The following KIDINS220 variants were observed in gnomAD, a reference collection of about 807,000 sequenced individuals.
KIDINS220 encodes the protein kinase D interacting substrate 220.
A neutral mutation model predicts 157.6 loss-of-function variants in KIDINS220; 63 were observed. The ratio of observed to expected loss-of-function variants is 0.40; its 90% confidence interval spans 0.33 to 0.49. The LOEUF (loss-of-function observed/expected upper bound fraction) is 0.49. KIDINS220 is among the 20% of genes least tolerant of loss of function. The pLI is 0.66. For missense variants in KIDINS220, 1,772 were observed against 2,171.2 expected, an observed-to-expected ratio of 0.82 and a Z score of 3.65; for synonymous variants, 732 against 783.6, an observed-to-expected ratio of 0.93 and a Z score of 1.10.
intron 8 of KIDINS220, among the ~76,000 whole-genome samples, chr2:8,801,396 A>G (rs188342300): frequency 4.6e-5 from 7 of 152,276 alleles, no homozygotes; most frequent in African/African-American, 1.7e-4. Flanking sequence ...AATAAACCAA[A>G]GGCAGACAAA....
At chr2:8,816,784 A>C (rs899358429) in intron 4 of KIDINS220, among the ~76,000 whole-genome samples, 6 of 152,184 alleles carry the variant, frequency 3.9e-5, no homozygotes, top group African/African-American at 1.2e-4. Context: ...CTTTTTGGAA[A>C]TATGTAAGAT....
intron 7 of KIDINS220, among the ~76,000 whole-genome samples, chr2:8,804,565 T>A (rs959030239): frequency 3.9e-5 from 6 of 152,190 alleles, no homozygotes; most frequent in African/African-American, 1.4e-4. Context: ...TTCTGATTTT[T>A]AAAAATCTGT....
chr2:8,768,207 TTA>T (rs1382850935), intron 22 of KIDINS220, among the ~76,000 whole-genome samples: 3 of 152,130 alleles, frequency 2.0e-5, no homozygotes, highest in Non-Finnish European at 4.4e-5. Flanking sequence ...CAAAAAATTT[TTA>T]GTTTTTATTT....
At chr2:8,803,337 T>C (rs1364596697) in intron 7 of KIDINS220, among the ~76,000 whole-genome samples, 3 of 152,220 alleles carry the variant, frequency 2.0e-5, no homozygotes, top group Non-Finnish European at 4.4e-5. Context: ...GAAAATACAT[T>C]AATGATCTTC....
intron 26 of KIDINS220, 131 bp from the exon 27 acceptor site, chr2:8,737,130 T>C: frequency 1.1e-6 from 1 of 887,862 alleles, no homozygotes; most frequent in South Asian, 1.8e-5. Context: ...ATGTTTAGCA[T>C]GGTAAGGAAA....
chr2:8,803,226 T>C, intron 7 of KIDINS220, 99 bp from the exon 8 acceptor site: 1 of 1,019,740 alleles, frequency 9.8e-7, no homozygotes, highest in Admixed American at 3.0e-5. Context: ...AAAACTAATG[T>C]TTTCAAATAG....
Position 8,818,685 on chromosome 2 carries a change from T to C in KIDINS220, c.207+10A>G, listed in dbSNP as rs758740926. The C allele has an allele frequency of 8.3e-6, 12 of 1,450,898 alleles. No homozygotes were observed. The highest frequency in any genetic ancestry group is 1.4e-5 in the African/African-American group (1 of 70,900). The allele number at this position is 1,450,898 out of a possible 1,614,324, so 89.9% of individuals were successfully genotyped here. On this transcript the variant is annotated intron_variant, in intron 3 of 29. Transcript: ENST00000256707. ...TGAGTAAATGATGAGTAAATTATTTTAATATATACCAAATCTTCCAGATTG... is the reference window on the plus strand; with the variant it reads ...TGAGTAAATGATGAGTAAATTATTTCAATATATACCAAATCTTCCAGATTG...
chr2:8,820,056 A>G (rs1677700936), intron 2 of KIDINS220, among the ~76,000 whole-genome samples: 1 of 152,084 alleles, frequency 6.6e-6, no homozygotes, highest in South Asian at 2.1e-4. Context: ...AAACCCTTCA[A>G]TGTTTTCCCA....
intron 2 of KIDINS220, among the ~76,000 whole-genome samples, chr2:8,821,818 A>G (rs1307853392): frequency 1.3e-5 from 2 of 152,230 alleles, no homozygotes; most frequent in East Asian, 1.9e-4. Flanking sequence ...CTGAAAATAA[A>G]GCCTATCTTT....
chr2:8,757,510 C>T (rs1668159580), intron 22 of KIDINS220: 3 of 1,426,884 alleles, frequency 2.1e-6, no homozygotes, highest in Non-Finnish European at 2.7e-6. Context: ...AGTGACTGTA[C>T]TGTTGTTTGC....
In KIDINS220 at chr2:8,750,504, C is replaced by A. The variant is rs369408646; in HGVS notation, c.3191-169G>T. The stretch of plus-strand genomic sequence containing the variant: ...ACAGAAAATCTTGAAAACTCACAGG[C>A]CTTTTAGTGAGAAATGCCCAGCTAC... On this transcript the variant is annotated intron_variant, in intron 23 of 29. Transcript: ENST00000256707. Among the ~76,000 whole-genome samples the A allele has an allele frequency of 1.5e-3, 233 of 152,206 alleles. 3 individuals carry two copies. The highest frequency in any genetic ancestry group is 5.5e-3 in the African/African-American group (229 of 41,520).
chr2:8,758,911 G>A (rs192156419), intron 22 of KIDINS220, among the ~76,000 whole-genome samples: 16 of 152,318 alleles, frequency 1.1e-4, no homozygotes, highest in Non-Finnish European at 1.9e-4. Flanking sequence ...TCCACATGCA[G>A]AAGACTGCAT....
chr2:8,776,321 C>T (rs1378801965), intron 21 of KIDINS220, among the ~76,000 whole-genome samples: 1 of 151,928 alleles, frequency 6.6e-6, no homozygotes, highest in Admixed American at 6.6e-5. Context: ...GGCAGAATTC[C>T]ATGCAGGGAC....
intron 22 of KIDINS220, among the ~76,000 whole-genome samples, chr2:8,763,655 C>A (rs1272879089): frequency 2.6e-5 from 4 of 152,170 alleles, no homozygotes; most frequent in Non-Finnish European, 5.9e-5. Flanking sequence ...TTTAGCACAA[C>A]AGAACTGGAG....
intron 27 of KIDINS220, 60 bp from the exon 28 acceptor site, chr2:8,734,813 C>T (rs1247965577): frequency 1.7e-6 from 2 of 1,197,084 alleles, no homozygotes; most frequent in African/African-American, 1.5e-5. Flanking sequence ...TTCTGAATTA[C>T]TAGTGATTGC....
chr2:8,822,347 C>T (rs73916012), intron 2 of KIDINS220, among the ~76,000 whole-genome samples: 5,200 of 152,198 alleles, frequency 0.034, 174 homozygotes, highest in African/African-American at 0.084. Context: ...ACAGGCCAGG[C>T]GCAGTGACTC....
Position 8,791,042 on chromosome 2 carries a change from T to C in KIDINS220, c.1441+18A>G. 4 of 1,603,504 alleles carry C rather than the reference T, an allele frequency of 2.5e-6. No homozygotes were observed. The highest frequency in any genetic ancestry group is 2.6e-6 in the Non-Finnish European group (3 of 1,175,782). ...CCTTGCTTTATATATACAGACTTTG[T>C]ACAAGCAAGCCCTTTACCTTCTAGT... On this transcript the variant is annotated intron_variant, in intron 13 of 29. Transcript: ENST00000256707.
intron 7 of KIDINS220, among the ~76,000 whole-genome samples, chr2:8,805,074 A>C (rs188872755): frequency 1.1e-3 from 170 of 152,298 alleles, no homozygotes; most frequent in Non-Finnish European, 1.6e-3. Flanking sequence ...AGTTTCCATA[A>C]GGGATATTTT....
intron 27 of KIDINS220, 79 bp downstream of exon 27, chr2:8,736,789 A>C (rs572006917): frequency 6.8e-7 from 1 of 1,470,440 alleles, no homozygotes; most frequent in African/African-American, 1.4e-5. Flanking sequence ...GAAGCTATAC[A>C]TAAAGTTTAC....
Sources: gnomAD v4.1 joint callset for allele counts (sites outside exome capture counted in the v4.1 genomes callset) on GRCh38, gnomAD v4.1.1 for gene constraint, MANE v1.5 for transcripts, NCBI Gene and HGNC (gene_info 2026-07-23, HGNC 2026-07-21) for gene names.